TAFA2: variants seen among roughly 807,000 people sequenced by gnomAD.
TAFA2 encodes chemokine-like protein TAFA-2.
TAFA2 carries 7 observed loss-of-function variants against 18.8 expected under a neutral mutation model. The observed-to-expected ratio is 0.37, with a 90% CI of 0.21 to 0.70. The LOEUF (loss-of-function observed/expected upper bound fraction) is 0.70, where lower values mean the gene tolerates loss of function less well. Ranked by LOEUF, TAFA2 falls within the 30% of genes least tolerant of loss-of-function variation. The pLI is 0.53. For synonymous variants in TAFA2, 60 were observed against 54.2 expected (o/e 1.11, Z -0.47); for missense variants, 122 against 158.1 (o/e 0.77, Z 1.23).
intron 1 of TAFA2, among the ~76,000 whole-genome samples, chr12:61,955,651 A>ATATATATATG (rs1555178817): frequency 2.2e-5 from 2 of 88,906 alleles, no homozygotes; most frequent in African/African-American, 7.0e-5. Context: ...ATATATATAT[A>ATATATATATG]TATATATATA....
intron 2 of TAFA2, among the ~76,000 whole-genome samples, chr12:61,817,798 A>T (rs901411431): frequency 1.8e-4 from 28 of 152,204 alleles, no homozygotes; most frequent in Admixed American, 5.2e-4. Context: ...CTACCTCAAA[A>T]TGACATATTG....
intron 2 of TAFA2, among the ~76,000 whole-genome samples, chr12:61,826,240 G>T (rs1038543973): frequency 6.6e-5 from 10 of 151,918 alleles, no homozygotes; most frequent in African/African-American, 2.4e-4. Context: ...AGTACGTGTA[G>T]CACACAACCT....
intron 4 of TAFA2, among the ~76,000 whole-genome samples, chr12:61,716,687 G>A (rs1869677108): frequency 6.6e-6 from 1 of 152,112 alleles, no homozygotes; most frequent in Admixed American, 6.6e-5. Context: ...CAATAGAAGT[G>A]AAAATGCATT....
At chr12:61,870,598 T>C (rs1452927217) in intron 1 of TAFA2, among the ~76,000 whole-genome samples, 1 of 152,154 alleles carries the variant, frequency 6.6e-6, no homozygotes, top group Non-Finnish European at 1.5e-5. Flanking sequence ...ATGTCTCTAA[T>C]CTCATTTTAT....
chr12:61,911,243 TC>T (rs1398298605), intron 1 of TAFA2, among the ~76,000 whole-genome samples: 1 of 152,166 alleles, frequency 6.6e-6, no homozygotes, highest in African/African-American at 2.4e-5. Flanking sequence ...GAGGATCCCT[TC>T]CCTGATTCTT....
intron 1 of TAFA2, among the ~76,000 whole-genome samples, chr12:61,869,103 T>C (rs774308045): frequency 4.6e-5 from 7 of 152,154 alleles, no homozygotes; most frequent in Admixed American, 1.3e-4. Flanking sequence ...CGTGAGATGA[T>C]TGAAGGGAGT....
chr12:61,901,667 G>T (rs1876106184), intron 1 of TAFA2, among the ~76,000 whole-genome samples: 1 of 151,968 alleles, frequency 6.6e-6, no homozygotes, highest in Admixed American at 6.6e-5. Context: ...TTTTTTTCAG[G>T]TAAGATCAGA....
intron 1 of TAFA2, among the ~76,000 whole-genome samples, chr12:61,876,722 G>GTAGT (rs1448221403): frequency 1.3e-5 from 2 of 151,754 alleles, no homozygotes; most frequent in African/African-American, 4.8e-5. Context: ...AAAAAAGATA[G>GTAGT]TAGTTATGTG....
chr12:61,902,643 G>T (rs1472947088), intron 1 of TAFA2, among the ~76,000 whole-genome samples: 1 of 152,062 alleles, frequency 6.6e-6, no homozygotes, highest in Non-Finnish European at 1.5e-5. Flanking sequence ...AGCCTTCTCT[G>T]TTTACAATTT....
intron 1 of TAFA2, among the ~76,000 whole-genome samples, chr12:62,038,582 C>A (rs926794356): frequency 2.0e-5 from 3 of 152,206 alleles, no homozygotes; most frequent in South Asian, 2.1e-4. Context: ...ACTTGAGCAT[C>A]CACATACTTT....
chr12:61,980,353 A>G (rs1047911169), intron 1 of TAFA2, among the ~76,000 whole-genome samples: 9 of 152,224 alleles, frequency 5.9e-5, no homozygotes, highest in Non-Finnish European at 1.2e-4. Context: ...CCAATATCAT[A>G]CTGAATGGAC....
At chr12:61,892,824 G>C (rs1333631565) in intron 1 of TAFA2, among the ~76,000 whole-genome samples, 1 of 152,194 alleles carries the variant, frequency 6.6e-6, no homozygotes, top group Non-Finnish European at 1.5e-5. Context: ...AGGTGACAGA[G>C]TGAGACTCCA....
At chr12:61,921,576 T>C (rs569476466) in intron 1 of TAFA2, among the ~76,000 whole-genome samples, 2 of 152,132 alleles carry the variant, frequency 1.3e-5, no homozygotes, top group South Asian at 4.2e-4. Context: ...TATGATTTGG[T>C]ATGGGTTTTT....
intron 1 of TAFA2, among the ~76,000 whole-genome samples, chr12:62,144,320 G>C (rs1271906355): frequency 6.6e-6 from 1 of 152,114 alleles, no homozygotes. Context: ...AAAGTGGCCT[G>C]CCTCTGGAAC....
At chr12:62,139,324 T>C (rs1312116472) in intron 1 of TAFA2, among the ~76,000 whole-genome samples, 2 of 152,220 alleles carry the variant, frequency 1.3e-5, no homozygotes, top group African/African-American at 4.8e-5. Context: ...CTGAATGTTA[T>C]AAAATGCTTA....
intron 2 of TAFA2, among the ~76,000 whole-genome samples, chr12:61,863,564 T>C (rs1874216762): frequency 6.6e-6 from 1 of 152,176 alleles, no homozygotes; most frequent in African/African-American, 2.4e-5. Context: ...TTACTATTCC[T>C]CTTCAAGTAA....
intron 1 of TAFA2, among the ~76,000 whole-genome samples, chr12:61,999,747 C>A (rs1174517514): frequency 6.6e-6 from 1 of 152,170 alleles, no homozygotes; most frequent in Non-Finnish European, 1.5e-5. Flanking sequence ...GTGTCTGGCA[C>A]AAATTATTAT....
chr12:61,985,454 T>A (rs1879780709), intron 1 of TAFA2, among the ~76,000 whole-genome samples: 1 of 152,194 alleles, frequency 6.6e-6, no homozygotes, highest in Non-Finnish European at 1.5e-5. Context: ...CACTGAATCA[T>A]TATAGGAATG....
At chr12:61,981,381 T>C (rs569673386) in intron 1 of TAFA2, among the ~76,000 whole-genome samples, 1 of 152,280 alleles carries the variant, frequency 6.6e-6, no homozygotes, top group South Asian at 2.1e-4. Context: ...GGCAACACCT[T>C]TCAGGACATA....
Sources: allele counts gnomAD v4.1 joint callset (sites outside exome capture counted in the v4.1 genomes callset), GRCh38; gene constraint gnomAD v4.1.1; transcripts MANE v1.5; gene names NCBI Gene and HGNC (gene_info 2026-07-23, HGNC 2026-07-21).